The following DLG2 variants were observed in gnomAD, a reference collection of about 807,000 sequenced individuals.
DLG2 encodes the protein discs large MAGUK scaffold protein 2, also known as disks large homolog 2.
DLG2 carries 45 observed loss-of-function variants against 132.5 expected under a neutral mutation model. That is an observed-to-expected ratio of 0.34 (90% CI 0.27 to 0.44). The LOEUF (loss-of-function observed/expected upper bound fraction) is 0.44. Ranked by LOEUF, DLG2 falls within the 20% of genes least tolerant of loss-of-function variation. DLG2 has a pLI of 1.00. For missense variants in DLG2, 1,045 were observed against 1,196.9 expected (o/e 0.87, Z 1.87); for synonymous variants, 424 against 419.6 (o/e 1.01, Z -0.13).
At chr11:84,719,779 T>C (rs1046558626) in intron 6 of DLG2, among the ~76,000 whole-genome samples, 1 of 152,198 alleles carries the variant, frequency 6.6e-6, no homozygotes, top group Admixed American at 6.5e-5. Flanking sequence ...GGGAAAAGCA[T>C]GCAACTGGGG....
intron 6 of DLG2, among the ~76,000 whole-genome samples, chr11:85,001,388 A>G (rs546689862): frequency 6.6e-6 from 1 of 152,314 alleles, no homozygotes; most frequent in East Asian, 1.9e-4. Context: ...TTAGAGAGGT[A>G]ACCCAGCAAA....
chr11:84,890,738 G>A (rs988477358), intron 6 of DLG2: 2 of 152,232 alleles, frequency 1.3e-5, no homozygotes, highest in African/African-American at 4.8e-5. Context: ...CTGAATATCA[G>A]TCCCAGAGCT....
intron 7 of DLG2, among the ~76,000 whole-genome samples, chr11:84,512,479 A>G (rs973228364): frequency 6.6e-6 from 1 of 152,162 alleles, no homozygotes; most frequent in Non-Finnish European, 1.5e-5. Context: ...TTATTCTGCA[A>G]CTGACTTGAA....
intron 6 of DLG2, among the ~76,000 whole-genome samples, chr11:85,028,251 T>C (rs1251504636): frequency 6.6e-6 from 1 of 152,088 alleles, no homozygotes; most frequent in Non-Finnish European, 1.5e-5. Flanking sequence ...AGTCTGGGGT[T>C]TTCATGGGCT....
At chr11:85,527,601 G>T (rs1307982576) in intron 3 of DLG2, among the ~76,000 whole-genome samples, 1 of 152,076 alleles carries the variant, frequency 6.6e-6, no homozygotes, top group Non-Finnish European at 1.5e-5. Context: ...TATCATTGAT[G>T]GGCATTTGGG....
At chr11:84,248,142 C>G (rs537287554) in intron 8 of DLG2, among the ~76,000 whole-genome samples, 21 of 152,236 alleles carry the variant, frequency 1.4e-4, no homozygotes, top group African/African-American at 4.8e-4. Flanking sequence ...CCCCGTGAGT[C>G]AGGAACAAAG....
intron 3 of DLG2, among the ~76,000 whole-genome samples, chr11:85,393,042 C>A (rs897592153): frequency 1.3e-5 from 2 of 152,022 alleles, no homozygotes; most frequent in Non-Finnish European, 2.9e-5. Context: ...AACAGACAAC[C>A]CATAGAATAG....
chr11:83,459,811 A>G lies in DLG2; in HGVS notation c.*7T>C. 6.6e-7 allele frequency: 1 copy of G among 1,510,734 alleles called. No homozygotes were observed. The highest frequency in any genetic ancestry group is 9.2e-7 in the Non-Finnish European group (1 of 1,085,806). The allele number at this position is 1,510,734 out of a possible 1,614,324, so 93.6% of individuals were successfully genotyped here. On this transcript the variant is annotated 3_prime_UTR_variant, in exon 28 of 28. Transcript: ENST00000376104. The stretch of plus-strand genomic sequence containing the variant: ...CTTCTGTCGTTGTCAGAGGCGCAGT[A>G]GCTAATTTATAACTTTTCCTTTGAG...
chr11:84,540,628 T>G (rs2099366329), intron 6 of DLG2, among the ~76,000 whole-genome samples: 1 of 152,194 alleles, frequency 6.6e-6, no homozygotes, highest in South Asian at 2.1e-4. Context: ...TGGAAGTCAG[T>G]GTGGCGATTC....
rs373139346 is a variant in DLG2 at position 84,735,996 on chromosome 11, A to G, written c.358-201265T>C. Among the ~76,000 whole-genome samples, 7 of 152,020 alleles carry G rather than the reference A, an allele frequency of 4.6e-5. No homozygotes were observed. The East Asian group carries it at 9.7e-4, about 21-fold the overall frequency. ...ATCTGTTTAACCCAAGGTCACAAAG[A>G]TGTTCTTCTCTTATTTCTTCTAGAG... On this transcript the variant is annotated intron_variant, in intron 6 of 27. Transcript: ENST00000376104.
At chr11:84,089,230 T>C (rs531651672) in intron 10 of DLG2, among the ~76,000 whole-genome samples, 1 of 152,336 alleles carries the variant, frequency 6.6e-6, no homozygotes, top group South Asian at 2.1e-4. Flanking sequence ...CAGACTGTGA[T>C]GCCTGGAAGT....
rs562530299 is a variant in DLG2, at chr11:84,563,869, T to G, written c.358-29138A>C. Among the ~76,000 whole-genome samples, 13 of 152,282 alleles carry G rather than the reference T, an allele frequency of 8.5e-5. No individual in the cohort carries two copies. In the East Asian group the frequency reaches 2.5e-3, roughly 29 times the overall value. ...CTCATCTGAAACATGTTTAGAGAAC[T>G]AGGCTAGAAAAGTGGCTCTCTTTTG... is the stretch of plus-strand genomic sequence containing the variant. On this transcript the variant is annotated intron_variant, in intron 6 of 27. Transcript: ENST00000376104.
chr11:83,770,850 G>A (rs185792869), intron 18 of DLG2, among the ~76,000 whole-genome samples: 3 of 151,802 alleles, frequency 2.0e-5, no homozygotes, highest in African/African-American at 4.8e-5. Flanking sequence ...ATCACAAAAC[G>A]AACAAATAAG....
chr11:83,704,426 T>G (rs992769045), intron 18 of DLG2, among the ~76,000 whole-genome samples: 3 of 152,212 alleles, frequency 2.0e-5, no homozygotes. Flanking sequence ...TTCAATTGTT[T>G]TTTTAAACAT....
chr11:84,709,933 A>G (rs560334700), intron 6 of DLG2, among the ~76,000 whole-genome samples: 1 of 152,092 alleles, frequency 6.6e-6, no homozygotes, highest in South Asian at 2.1e-4. Flanking sequence ...ATCCTTCTCT[A>G]TACCTAAAGA....
chr11:84,529,783 G>A (rs2099330777), intron 7 of DLG2, among the ~76,000 whole-genome samples: 1 of 152,152 alleles, frequency 6.6e-6, no homozygotes, highest in South Asian at 2.1e-4. Context: ...CAAAGAATTA[G>A]AGAAGAACAA....
At chr11:85,349,166 G>C (rs914721509) in intron 3 of DLG2, among the ~76,000 whole-genome samples, 1 of 152,036 alleles carries the variant, frequency 6.6e-6, no homozygotes, top group Non-Finnish European at 1.5e-5. Context: ...AACTCTAACT[G>C]AGCAGACTGT....
chr11:83,572,095 T>A (rs1049657038), intron 19 of DLG2, among the ~76,000 whole-genome samples: 1 of 152,098 alleles, frequency 6.6e-6, no homozygotes, highest in Non-Finnish European at 1.5e-5. Flanking sequence ...ATCTTTGGCT[T>A]TATATTTTTC....
chr11:84,978,276 A>G (rs2055205928), intron 6 of DLG2, among the ~76,000 whole-genome samples: 1 of 152,200 alleles, frequency 6.6e-6, no homozygotes, highest in African/African-American at 2.4e-5. Context: ...TCAAGCTACC[A>G]ATGACTTTCT....
Sources: allele counts gnomAD v4.1 joint callset (sites outside exome capture counted in the v4.1 genomes callset), GRCh38; gene constraint gnomAD v4.1.1; transcripts MANE v1.5; gene names NCBI Gene and HGNC (gene_info 2026-07-23, HGNC 2026-07-21).